Variants in RBM47 observed in about 807,000 individuals in gnomAD.
RBM47 encodes RNA binding motif protein 47, also known as RNA-binding protein 47.
RBM47 carries 21 observed loss-of-function variants against 47.1 expected under a neutral mutation model. The ratio of observed to expected loss-of-function variants is 0.45; its 90% confidence interval spans 0.32 to 0.64. The LOEUF is 0.64. Ranked by LOEUF, RBM47 falls within the 30% of genes least tolerant of loss-of-function variation. The probability of loss-of-function intolerance (pLI) is 0.05; values close to 1 mark genes in which losing one functional copy is unlikely to be tolerated. For synonymous variants in RBM47, 375 were observed against 361.7 expected, an observed-to-expected ratio of 1.04 and a Z score of -0.42; for missense variants, 708 against 870.9, an observed-to-expected ratio of 0.81 and a Z score of 2.35.
chr4:40,464,195 T>C (rs1042033376), intron 3 of RBM47, among the ~76,000 whole-genome samples: 4 of 152,188 alleles, frequency 2.6e-5, no homozygotes, highest in African/African-American at 9.7e-5. Context: ...CAGCTTAGAG[T>C]ACCTGTTTAA....
chr4:40,529,834 TAATA>T (rs200058463), intron 2 of RBM47, among the ~76,000 whole-genome samples: 55,054 of 137,168 alleles, frequency 0.4, 11,728 homozygotes, highest in African/African-American at 0.59. Context: ...ATCTAAAAAA[TAATA>T]AATAAATAAA....
intron 1 of RBM47, among the ~76,000 whole-genome samples, chr4:40,592,257 CTTTT>C (rs55974728): frequency 1.4e-5 from 2 of 139,330 alleles, no homozygotes; most frequent in Non-Finnish European, 1.6e-5. Flanking sequence ...TTTTCTTTTA[CTTTT>C]TTTTTTTTTT....
intron 1 of RBM47, among the ~76,000 whole-genome samples, chr4:40,622,619 C>A (rs1340413506): frequency 6.6e-6 from 1 of 152,206 alleles, no homozygotes; most frequent in African/African-American, 2.4e-5. Flanking sequence ...AGGTAGCTCA[C>A]ACCTGCAATC....
In RBM47 at chr4:40,578,971, TAGCC is replaced by T. The variant is rs745445360; in HGVS notation, c.-239-34469_-239-34466del. ...CATCTCCACTAAAATAACAAAAAAT[TAGCC>T]AGACATGGTGGCGTGCACTTGTACT... On this transcript the variant is annotated intron_variant, in intron 1 of 6. Transcript: ENST00000295971. Among the ~76,000 whole-genome samples, 33 of 151,850 alleles carry T rather than the reference TAGCC, an allele frequency of 2.2e-4. No homozygotes were observed. The Middle Eastern group carries it at 0.01, about 48-fold the overall frequency.
chr4:40,531,865 C>T (rs1240394523), intron 2 of RBM47, among the ~76,000 whole-genome samples: 3 of 151,810 alleles, frequency 2.0e-5, no homozygotes, highest in African/African-American at 7.3e-5. Context: ...GAGGAAAGGC[C>T]GTGAAAGATA....
At chr4:40,618,859 G>A (rs914404551) in intron 1 of RBM47, among the ~76,000 whole-genome samples, 1 of 149,814 alleles carries the variant, frequency 6.7e-6, no homozygotes, top group African/African-American at 2.5e-5. Context: ...ATCTCCTTGG[G>A]ATGTTTGAAC....
intron 1 of RBM47, among the ~76,000 whole-genome samples, chr4:40,575,267 C>A (rs1347103908): frequency 2.0e-5 from 3 of 152,018 alleles, no homozygotes; most frequent in Non-Finnish European, 4.4e-5. Context: ...TAAAGAAATA[C>A]CAAGGAAGCT....
At chr4:40,590,173 C>T (rs964139205) in intron 1 of RBM47, among the ~76,000 whole-genome samples, 7 of 152,122 alleles carry the variant, frequency 4.6e-5, no homozygotes, top group Non-Finnish European at 8.8e-5. Flanking sequence ...GAAATCTAGA[C>T]GTGTGCACGC....
intron 2 of RBM47, among the ~76,000 whole-genome samples, chr4:40,516,324 A>C (rs1334899657): frequency 6.8e-6 from 1 of 146,796 alleles, no homozygotes; most frequent in East Asian, 2.0e-4. Context: ...GCAGTGGCAC[A>C]ATCTCGGCTC....
chr4:40,567,643 A>G (rs765296839), intron 1 of RBM47, among the ~76,000 whole-genome samples: 2 of 152,178 alleles, frequency 1.3e-5, no homozygotes, highest in East Asian at 3.9e-4. Context: ...TTATAGCACA[A>G]CATACACATT....
intron 2 of RBM47, among the ~76,000 whole-genome samples, chr4:40,505,928 AACTT>A (rs942997356): frequency 6.6e-6 from 1 of 151,968 alleles, no homozygotes; most frequent in African/African-American, 2.4e-5. Context: ...AAAACAAAAA[AACTT>A]ACTTGTCATT....
At chr4:40,544,209 G>C (rs1450288816) in intron 2 of RBM47, 5 of 152,078 alleles carry the variant, frequency 3.3e-5, no homozygotes, top group African/African-American at 9.7e-5. Flanking sequence ...TTTGGCTGTG[G>C]GAGTCCTCTG....
chr4:40,581,020 G>C (rs537960954), intron 1 of RBM47, among the ~76,000 whole-genome samples: 105 of 152,338 alleles, frequency 6.9e-4, no homozygotes, highest in Non-Finnish European at 1.1e-3. Context: ...TCTGTGGCTG[G>C]AATCTGGTAA....
chr4:40,501,810 T>C (rs969373532), intron 2 of RBM47, among the ~76,000 whole-genome samples: 10 of 152,198 alleles, frequency 6.6e-5, no homozygotes, highest in Non-Finnish European at 1.2e-4. Flanking sequence ...TACACTTTAA[T>C]ACACTATTAG....
intron 3 of RBM47, among the ~76,000 whole-genome samples, chr4:40,463,413 A>G (rs554644109): frequency 1.3e-5 from 2 of 152,312 alleles, no homozygotes; most frequent in South Asian, 4.1e-4. Context: ...ACCCTTGTGC[A>G]CTGCTGGTGG....
At chr4:40,460,214 GTT>G (rs5857730) in intron 3 of RBM47, among the ~76,000 whole-genome samples, 24 of 143,200 alleles carry the variant, frequency 1.7e-4, no homozygotes, top group East Asian at 8.2e-4. Flanking sequence ...TTCCATCACT[GTT>G]TTTTTTTTTT....
At chr4:40,556,225 G>A (rs527603798) in intron 1 of RBM47, among the ~76,000 whole-genome samples, 7 of 151,622 alleles carry the variant, frequency 4.6e-5, no homozygotes, top group Admixed American at 1.3e-4. Flanking sequence ...TAGTAGAGAC[G>A]GGGTTTCACC....
At chr4:40,598,769 T>C (rs535717227) in intron 1 of RBM47, among the ~76,000 whole-genome samples, 25 of 151,900 alleles carry the variant, frequency 1.6e-4, no homozygotes, top group Non-Finnish European at 3.1e-4. Context: ...TTCTATATTC[T>C]ATAGTGTCCA....
rs372529356 is a variant in RBM47, at chr4:40,615,855, T to C, written c.-240+13541A>G. On this transcript the variant is annotated intron_variant, in intron 1 of 6. Transcript: ENST00000295971. ...TCCTTTTGGAAACTGAACCATCTTA[T>C]GCAAAACGAATAACCACACCATCTG... 1.3e-3 allele frequency among the ~76,000 whole-genome samples: 191 copies of C among 152,278 alleles called. 1 individual carries two copies. The highest frequency in any genetic ancestry group is 4.2e-3 in the African/African-American group (174 of 41,558).
Sources: gnomAD v4.1 joint callset for allele counts (sites outside exome capture counted in the v4.1 genomes callset) on GRCh38, gnomAD v4.1.1 for gene constraint, MANE v1.5 for transcripts, NCBI Gene and HGNC (gene_info 2026-07-23, HGNC 2026-07-21) for gene names.